The following ALG9 variants were observed in gnomAD, a reference collection of about 807,000 sequenced individuals.
ALG9 encodes the protein ALG9 alpha-1,2-mannosyltransferase.
A neutral mutation model predicts 81.8 loss-of-function variants in ALG9; 55 were observed. The ratio of observed to expected loss-of-function variants is 0.67; its 90% confidence interval spans 0.54 to 0.84. ALG9 has a LOEUF of 0.84. Among genes scored for constraint, ALG9 ranks in the 40% least tolerant of loss-of-function variants. ALG9 has a pLI of 0.00. For synonymous variants in ALG9, 278 were observed against 274.3 expected, an observed-to-expected ratio of 1.01 and a Z score of -0.13; for missense variants, 629 against 745.0, an observed-to-expected ratio of 0.84 and a Z score of 1.81.
chr11:111,861,770 CTTTT>C (rs1252924075), intron 4 of ALG9, among the ~76,000 whole-genome samples: 1 of 151,320 alleles, frequency 6.6e-6, no homozygotes, highest in African/African-American at 2.4e-5. Context: ...AGGCTTCTTC[CTTTT>C]TTTTTCCCTT....
chr11:111,871,040 C>A lies in ALG9; in HGVS notation c.131+312G>T, dbSNP rs183167917. ...AATAAAAGGAGCTGTGAGGAACAGC[C>A]GTAAAAGGTATACTCTTTGATCCTG... On this transcript the variant is annotated intron_variant, in intron 1 of 14. Coordinates refer to ENST00000616540, the MANE Select transcript of ALG9 (RefSeq NM_024740.2). 2.7e-6 allele frequency: 3 copies of A among 1,096,640 alleles called. No individual in the cohort carries two copies. In the East Asian group the frequency reaches 1.8e-4, roughly 65 times the overall value. 67.9% of individuals were successfully genotyped at this position (1,096,640 alleles called of 1,614,324 possible). A position where few individuals can be genotyped will look rare whatever the true frequency, so the allele number is the denominator to read the frequency against.
intron 11 of ALG9, 73 bp from the exon 12 acceptor site, chr11:111,837,688 T>A: frequency 6.5e-7 from 1 of 1,529,248 alleles, no homozygotes; most frequent in Non-Finnish European, 9.0e-7. Context: ...TACTGCTCAT[T>A]AATGTCGCAC....
intron 6 of ALG9, 143 bp from the exon 7 acceptor site, chr11:111,853,879 C>A: frequency 1.3e-6 from 1 of 742,188 alleles, no homozygotes; most frequent in South Asian, 1.5e-5. Context: ...GAGAGGATGT[C>A]GTCACAGGAC....
chr11:111,836,089 G>C, intron 13 of ALG9, 76 bp downstream of exon 13: 2 of 1,592,042 alleles, frequency 1.3e-6, no homozygotes, highest in Admixed American at 3.3e-5. Flanking sequence ...TTTTATCAAT[G>C]CTCTAATATA....
At chr11:111,780,072 T>A (rs1396192716), downstream of ALG9, among the ~76,000 whole-genome samples, 1 of 152,212 alleles carries the variant, frequency 6.6e-6, no homozygotes, top group Non-Finnish European at 1.5e-5. Context: ...GCTACGGTCA[T>A]CTTGCAGCCA....
At chr11:111,775,645 C>T in the ALG9 span, among the ~76,000 whole-genome samples, 278 of 152,222 alleles carry the variant, frequency 1.8e-3, 1 homozygote, top group African/African-American at 5.6e-3. Context: ...GAGGCTGAGG[C>T]GGGAGGATCA....
At chr11:111,856,693 T>C (rs1417249765) in intron 6 of ALG9, among the ~76,000 whole-genome samples, 5 of 151,886 alleles carry the variant, frequency 3.3e-5, no homozygotes, top group African/African-American at 1.2e-4. Flanking sequence ...GATTAAAATA[T>C]TTTCCTAAAT....
At chr11:111,868,931 G>A (rs553445021) in intron 2 of ALG9, among the ~76,000 whole-genome samples, 195 bp from the exon 3 acceptor site, 88 of 151,792 alleles carry the variant, frequency 5.8e-4, no homozygotes, top group Non-Finnish European at 8.5e-4. Flanking sequence ...GACAAGCCTG[G>A]GCAACATAGC....
chr11:111,775,373 G>A, the ALG9 span, among the ~76,000 whole-genome samples: 22 of 152,254 alleles, frequency 1.4e-4, no homozygotes, highest in South Asian at 3.9e-3. Context: ...GTCACATTTC[G>A]GCAGAAATCC....
At chr11:111,853,307 C>G in intron 8 of ALG9, 73 bp downstream of exon 8, 1 of 1,019,470 alleles carries the variant, frequency 9.8e-7, no homozygotes, top group Non-Finnish European at 1.6e-6. Flanking sequence ...TACGAGGCAA[C>G]TGAATTAAAA....
chr11:111,856,061 G>A (rs1398877261), intron 6 of ALG9, among the ~76,000 whole-genome samples: 1 of 152,022 alleles, frequency 6.6e-6, no homozygotes, highest in African/African-American at 2.4e-5. Context: ...GGTGGATCAC[G>A]AGGTCAGGAG....
intron 4 of ALG9, among the ~76,000 whole-genome samples, chr11:111,863,855 G>A (rs144062885): frequency 1.4e-3 from 211 of 152,258 alleles, no homozygotes; most frequent in African/African-American, 3.9e-3. Context: ...TCTTAGGACC[G>A]AAAATAGGGT....
the ALG9 span, among the ~76,000 whole-genome samples, chr11:111,773,944 A>G: frequency 4.7e-5 from 7 of 150,164 alleles, no homozygotes; most frequent in Non-Finnish European, 1.0e-4. Context: ...TTTTGTAGAG[A>G]CAGGGTTTGG....
intron 4 of ALG9, 65 bp from the exon 5 acceptor site, chr11:111,860,700 G>GA: frequency 8.2e-7 from 1 of 1,218,818 alleles, no homozygotes; most frequent in Non-Finnish European, 1.2e-6. Context: ...AATCAAAGGA[G>GA]AAAAACACGT....
intron 9 of ALG9, among the ~76,000 whole-genome samples, chr11:111,842,174 G>A (rs1235100414): frequency 6.6e-6 from 1 of 152,210 alleles, no homozygotes; most frequent in African/African-American, 2.4e-5. Context: ...TGGGATTACA[G>A]GCGTGAGCCA....
intron 13 of ALG9, among the ~76,000 whole-genome samples, chr11:111,822,959 G>T (rs1555105393): frequency 6.6e-6 from 1 of 151,822 alleles, no homozygotes; most frequent in African/African-American, 2.4e-5. Context: ...GGGAGGCGGA[G>T]ATTGCAGTGA....
At chr11:111,816,403 G>C (rs1951481920) in intron 13 of ALG9, among the ~76,000 whole-genome samples, 1 of 151,986 alleles carries the variant, frequency 6.6e-6, no homozygotes, top group Non-Finnish European at 1.5e-5. Flanking sequence ...TGCGCCACCA[G>C]GCCTAGTTAA....
chr11:111,858,978 G>A (rs146649510), intron 5 of ALG9, among the ~76,000 whole-genome samples: 1 of 152,152 alleles, frequency 6.6e-6, no homozygotes, highest in Non-Finnish European at 1.5e-5. Context: ...GCCAAGGTGT[G>A]GGGGGCTGCT....
intron 14 of ALG9, among the ~76,000 whole-genome samples, chr11:111,789,476 G>A (rs997542905): frequency 6.6e-6 from 1 of 151,638 alleles, no homozygotes; most frequent in East Asian, 2.0e-4. Flanking sequence ...CTGGGCTCGA[G>A]CAATCCACCT....
Sources: allele counts gnomAD v4.1 joint callset (sites outside exome capture counted in the v4.1 genomes callset), GRCh38; gene constraint gnomAD v4.1.1; transcripts MANE v1.5; gene names NCBI Gene and HGNC (gene_info 2026-07-23, HGNC 2026-07-21).